RNF144A: variants seen among roughly 807,000 people sequenced by gnomAD.
The protein encoded by RNF144A is E3 ubiquitin-protein ligase RNF144A.
In RNF144A, 11 loss-of-function variants were observed where a neutral mutation model predicts 38.7. The ratio of observed to expected loss-of-function variants is 0.28; its 90% CI spans 0.18 to 0.47. The LOEUF is 0.47. RNF144A is among the 20% of genes least tolerant of loss of function. RNF144A has a pLI of 0.99. For missense variants in RNF144A, 316 were observed against 377.2 expected, an observed-to-expected ratio of 0.84 and a Z score of 1.34; for synonymous variants, 149 against 143.9, an observed-to-expected ratio of 1.04 and a Z score of -0.25.
intron 1 of RNF144A, among the ~76,000 whole-genome samples, chr2:6,924,971 T>C (rs1444275365): frequency 6.6e-6 from 1 of 152,190 alleles, no homozygotes; most frequent in Non-Finnish European, 1.5e-5. Flanking sequence ...TGGGGCTGGC[T>C]CTTTGACGGA....
intron 1 of RNF144A, among the ~76,000 whole-genome samples, chr2:6,918,048 G>T (rs1365421872): frequency 7.9e-5 from 12 of 151,914 alleles, no homozygotes. Flanking sequence ...CAAGGTTCGC[G>T]GCCCCGCCCG....
intron 1 of RNF144A, among the ~76,000 whole-genome samples, chr2:6,920,681 C>A (rs558916916): frequency 6.6e-5 from 10 of 152,190 alleles, no homozygotes; most frequent in Non-Finnish European, 1.3e-4. Flanking sequence ...ACATTGAGAT[C>A]GAAGAATGAA....
the RNF144A span, among the ~76,000 whole-genome samples, chr2:7,075,289 C>G: frequency 2.2e-4 from 33 of 151,820 alleles, no homozygotes; most frequent in African/African-American, 4.6e-4. Flanking sequence ...CATCCCCCCC[C>G]CCACACAGTG....
chr2:6,947,330 T>A (rs918457073), intron 2 of RNF144A, among the ~76,000 whole-genome samples: 1 of 152,102 alleles, frequency 6.6e-6, no homozygotes, highest in African/African-American at 2.4e-5. Flanking sequence ...AACCTTATGG[T>A]AACAAGCTAT....
At chr2:6,976,820 C>T (rs1184549716) in intron 2 of RNF144A, among the ~76,000 whole-genome samples, 1 of 149,768 alleles carries the variant, frequency 6.7e-6, no homozygotes, top group Non-Finnish European at 1.5e-5. Context: ...TTTTCACCTA[C>T]CAAAATTATA....
At chr2:7,065,186 G>A (rs921338099) in intron 6 of RNF144A, among the ~76,000 whole-genome samples, 4 of 152,276 alleles carry the variant, frequency 2.6e-5, no homozygotes, top group Admixed American at 6.5e-5. Flanking sequence ...TCTTAAAACT[G>A]TTCTTTAGTT....
intron 2 of RNF144A, among the ~76,000 whole-genome samples, chr2:6,963,388 C>T (rs999162958): frequency 6.6e-6 from 1 of 152,154 alleles, no homozygotes; most frequent in African/African-American, 2.4e-5. Context: ...GACTGATGAA[C>T]CTCTCTCAGT....
At chr2:7,047,404 G>A (rs1410416502), downstream of RNF144A, among the ~76,000 whole-genome samples, 7 of 152,194 alleles carry the variant, frequency 4.6e-5, no homozygotes, top group Admixed American at 4.6e-4. Context: ...CACATGGCGG[G>A]GGAGGCCTCA....
Position 6,941,656 on chromosome 2 carries a change from T to C in RNF144A, c.-12+509T>C, listed in dbSNP as rs771306. 0.84 allele frequency among the ~76,000 whole-genome samples: 128,270 copies of C among 152,332 alleles called. 56,384 individuals carry two copies. The highest frequency in any genetic ancestry group is 0.96 in the Non-Finnish European group (65,114 of 68,048). On this transcript the variant is annotated intron_variant, in intron 2 of 8. Coordinates refer to ENST00000320892, the MANE Select transcript of RNF144A (RefSeq NM_014746.6). The surrounding 1 kb of genome is among the most constrained non-coding windows in gnomAD (Gnocchi z 6.5). ...TATATACTATGCAACAAGGCCTAGA[T>C]ATTGTAGAGAAAAGAAAAAGTAGAC...
intron 8 of RNF144A, among the ~76,000 whole-genome samples, chr2:7,032,575 C>T (rs1672393007): frequency 2.0e-5 from 3 of 152,236 alleles, no homozygotes; most frequent in Non-Finnish European, 4.4e-5. Flanking sequence ...CAGCCATCTG[C>T]GGCATTCCTG....
chr2:7,025,159 A>G (rs1671801075), intron 7 of RNF144A, among the ~76,000 whole-genome samples: 3 of 152,108 alleles, frequency 2.0e-5, no homozygotes, highest in African/African-American at 4.8e-5. Flanking sequence ...GTGTTTCTCA[A>G]ACACACCCTA....
intron 5 of RNF144A, among the ~76,000 whole-genome samples, chr2:7,020,023 G>A (rs1671411593): frequency 6.6e-6 from 1 of 151,984 alleles, no homozygotes; most frequent in Admixed American, 6.5e-5. Flanking sequence ...CTGGCTGTAT[G>A]CCCAACATGG....
At chr2:6,994,886 G>C (rs1345166451) in intron 2 of RNF144A, among the ~76,000 whole-genome samples, 1 of 152,046 alleles carries the variant, frequency 6.6e-6, no homozygotes, top group African/African-American at 2.4e-5. Context: ...GCGGTCTTCA[G>C]TCACCCCCTC....
chr2:7,051,568 G>A (rs1456773980), intron 6 of RNF144A, among the ~76,000 whole-genome samples: 1 of 152,176 alleles, frequency 6.6e-6, no homozygotes, highest in Non-Finnish European at 1.5e-5. Context: ...CCCAGCCTGT[G>A]GAGTGGAAAG....
In RNF144A at chr2:7,014,656, T is replaced by C. The variant is rs566379841; in HGVS notation, c.241-56T>C. 1,604 of 1,552,058 alleles carry C rather than the reference T, an allele frequency of 1.0e-3. 2 individuals are homozygous for C. The highest frequency in any genetic ancestry group is 1.4e-3 in the Non-Finnish European group (1,518 of 1,124,192). The stretch of plus-strand genomic sequence containing the variant: ...GGGTTTTGTTTGGGTGTGCGTTGCA[T>C]TATATTCTAGCCCTCAGCTTGTTAT... On this transcript the variant is annotated intron_variant, in intron 4 of 8. Transcript: ENST00000320892.
intron 2 of RNF144A, among the ~76,000 whole-genome samples, chr2:6,966,186 G>A (rs1370697283): frequency 6.6e-6 from 1 of 152,238 alleles, no homozygotes; most frequent in Non-Finnish European, 1.5e-5. Context: ...TTCTCCAAAT[G>A]TTGGATGTTT....
intron 2 of RNF144A, among the ~76,000 whole-genome samples, chr2:6,955,737 G>A (rs1459886597): frequency 6.6e-6 from 1 of 152,126 alleles, no homozygotes; most frequent in Admixed American, 6.5e-5. Flanking sequence ...GACTGGAAAA[G>A]CCTGTCCAGT....
intron 2 of RNF144A, among the ~76,000 whole-genome samples, chr2:6,966,438 G>A (rs549986461): frequency 8.5e-5 from 13 of 152,302 alleles, no homozygotes; most frequent in Admixed American, 2.0e-4. Context: ...GCAGCAACAC[G>A]AAGACTAAAC....
chr2:7,015,418 C>T (rs1049485261), intron 5 of RNF144A, among the ~76,000 whole-genome samples: 4 of 152,224 alleles, frequency 2.6e-5, no homozygotes, highest in Non-Finnish European at 5.9e-5. Context: ...CATCCCATGA[C>T]CCTTCATCGT....
Sources: allele counts gnomAD v4.1 joint callset (sites outside exome capture counted in the v4.1 genomes callset), GRCh38; gene constraint gnomAD v4.1.1; non-coding constraint Gnocchi (gnomAD v3.1); transcripts MANE v1.5; gene names NCBI Gene and HGNC (gene_info 2026-07-23, HGNC 2026-07-21).